The following HSPA4L variants were observed in gnomAD, a reference collection of about 807,000 sequenced individuals.
The protein encoded by HSPA4L is heat shock protein family A (Hsp70) member 4 like, also known as heat shock 70 kDa protein 4L.
HSPA4L carries 48 observed loss-of-function variants against 100.3 expected under a neutral mutation model. The observed-to-expected ratio is 0.48, with a 90% confidence interval of 0.38 to 0.61. The LOEUF (loss-of-function observed/expected upper bound fraction) is 0.61, where lower values mean the gene tolerates loss of function less well. Among genes scored for constraint, HSPA4L ranks in the 20% least tolerant of loss-of-function variants. The pLI, the probability that HSPA4L is intolerant of heterozygous loss-of-function variation, is 0.00. For synonymous variants in HSPA4L, 319 were observed against 328.2 expected, an observed-to-expected ratio of 0.97 and a Z score of 0.30; for missense variants, 886 against 988.6, an observed-to-expected ratio of 0.90 and a Z score of 1.39.
Position 127,782,654 on chromosome 4 carries a change from C to A in HSPA4L, c.104C>A (p.Thr35Asn). The stretch of plus-strand genomic sequence containing the variant: ...GCCAATGAGTACAGCGACAGGTGTA[C>A]CCCGTAAGTGCCTCTGCTGAGCATC... ...TIANEYSDRC[T>N]PACISLGSRT... The change falls in exon 1 of 19, where the codon ACC becomes AAC. Residue 35 changes from threonine to asparagine, a missense_variant. Transcript: ENST00000296464. The A allele has an allele frequency of 6.2e-7, 1 of 1,607,774 alleles. No homozygotes were observed. The highest frequency in any genetic ancestry group is 8.5e-7 in the Non-Finnish European group (1 of 1,175,708).
At chr4:127,796,028 G>A in intron 3 of HSPA4L, 120 bp downstream of exon 3, 2 of 793,838 alleles carry the variant, frequency 2.5e-6, no homozygotes, top group Non-Finnish European at 3.8e-6. Flanking sequence ...ACACCGAAGA[G>A]ATAGTAGTTT....
chr4:127,793,938 T>C (rs1732945952), intron 1 of HSPA4L, 139 bp from the exon 2 acceptor site: 2 of 535,898 alleles, frequency 3.7e-6, no homozygotes, highest in Non-Finnish European at 6.5e-6. Context: ...AAATAAATTT[T>C]TGATTTGCAT....
intron 11 of HSPA4L, among the ~76,000 whole-genome samples, chr4:127,811,015 T>C (rs1040936104): frequency 6.6e-6 from 1 of 152,176 alleles, no homozygotes; most frequent in African/African-American, 2.4e-5. Context: ...TTGCTTTATT[T>C]ATGAATTACC....
intron 6 of HSPA4L, among the ~76,000 whole-genome samples, 161 bp downstream of exon 6, chr4:127,802,079 T>C (rs1219551141): frequency 6.6e-6 from 1 of 152,194 alleles, no homozygotes; most frequent in Non-Finnish European, 1.5e-5. Flanking sequence ...AGAACAACAG[T>C]AGTAACTACC....
intron 3 of HSPA4L, among the ~76,000 whole-genome samples, chr4:127,796,657 G>T (rs1733029964): frequency 6.6e-6 from 1 of 152,080 alleles, no homozygotes; most frequent in Admixed American, 6.5e-5. Context: ...TGGAGTACTG[G>T]TATGTGCTAC....
chr4:127,820,343 C>T (rs954396175), intron 13 of HSPA4L, 85 bp from the exon 14 acceptor site: 8 of 1,117,428 alleles, frequency 7.2e-6, no homozygotes, highest in African/African-American at 1.6e-5. Flanking sequence ...AGATCATAAT[C>T]GTTTTGATTT....
At chr4:127,791,514 G>A (rs1732874268) in intron 1 of HSPA4L, among the ~76,000 whole-genome samples, 1 of 152,196 alleles carries the variant, frequency 6.6e-6, no homozygotes, top group Non-Finnish European at 1.5e-5. Context: ...CATTTCATGT[G>A]CATAATAACC....
intron 6 of HSPA4L, 70 bp downstream of exon 6, chr4:127,801,988 G>A: frequency 1.6e-6 from 2 of 1,282,640 alleles, no homozygotes; most frequent in Non-Finnish European, 2.1e-6. Context: ...TAATAGCTGG[G>A]TTCGAATCCT....
At chr4:127,786,619 C>T (rs1732725844) in intron 1 of HSPA4L, among the ~76,000 whole-genome samples, 1 of 152,132 alleles carries the variant, frequency 6.6e-6, no homozygotes, top group Non-Finnish European at 1.5e-5. Flanking sequence ...GTGCATGCCA[C>T]CATGCCACAC....
intron 10 of HSPA4L, among the ~76,000 whole-genome samples, chr4:127,807,194 T>G (rs1416474220): frequency 6.6e-6 from 1 of 151,942 alleles, no homozygotes; most frequent in Non-Finnish European, 1.5e-5. Context: ...CTTATAGTAA[T>G]AGGATGATAT....
At chr4:127,790,093 T>G (rs1560650926) in intron 1 of HSPA4L, among the ~76,000 whole-genome samples, 1 of 152,368 alleles carries the variant, frequency 6.6e-6, no homozygotes, top group Non-Finnish European at 1.5e-5. Context: ...CTCATACTGG[T>G]AACTGTTTAG....
At chr4:127,821,751 C>T (rs1034756945) in intron 14 of HSPA4L, among the ~76,000 whole-genome samples, 3 of 152,098 alleles carry the variant, frequency 2.0e-5, no homozygotes, top group Non-Finnish European at 2.9e-5. Context: ...ATGTGTCAAA[C>T]ATGGAACTAA....
intron 4 of HSPA4L, among the ~76,000 whole-genome samples, chr4:127,800,797 T>C (rs1733153787): frequency 6.6e-6 from 1 of 152,196 alleles, no homozygotes; most frequent in Admixed American, 6.5e-5. Flanking sequence ...AATATATTTC[T>C]CTAATCTCAT....
At chr4:127,796,115 G>C (rs943058139) in intron 3 of HSPA4L, among the ~76,000 whole-genome samples, 3 of 151,958 alleles carry the variant, frequency 2.0e-5, no homozygotes, top group Non-Finnish European at 4.4e-5. Flanking sequence ...TATTGTCAAG[G>C]AAAAAAGTGG....
chr4:127,827,762 T>A (rs933682930), intron 17 of HSPA4L, among the ~76,000 whole-genome samples: 1 of 152,108 alleles, frequency 6.6e-6, no homozygotes, highest in African/African-American at 2.4e-5. Flanking sequence ...TGACTTTTTT[T>A]AAATTATGGG....
At chr4:127,820,314 A>G in intron 13 of HSPA4L, 114 bp from the exon 14 acceptor site, 1 of 808,110 alleles carries the variant, frequency 1.2e-6, no homozygotes, top group Non-Finnish European at 1.9e-6. Context: ...TTAAGGTAGT[A>G]CTTTAAAATA....
intron 8 of HSPA4L, among the ~76,000 whole-genome samples, chr4:127,804,411 G>T (rs1733288899): frequency 6.6e-6 from 1 of 152,020 alleles, no homozygotes; most frequent in Non-Finnish European, 1.5e-5. Context: ...TTCAAGACCA[G>T]CCTGGACAAC....
intron 1 of HSPA4L, among the ~76,000 whole-genome samples, chr4:127,784,984 G>A (rs1486056597): frequency 6.6e-6 from 1 of 152,166 alleles, no homozygotes; most frequent in Non-Finnish European, 1.5e-5. Context: ...GGAAAGAAAT[G>A]TTCAATTTAG....
intron 18 of HSPA4L, among the ~76,000 whole-genome samples, chr4:127,831,125 C>T (rs1343640599): frequency 1.3e-5 from 2 of 152,242 alleles, no homozygotes; most frequent in South Asian, 4.1e-4. Context: ...ATAAGTCTGT[C>T]TTTGACCTAG....
Sources: gnomAD v4.1 joint callset for allele counts (sites outside exome capture counted in the v4.1 genomes callset) on GRCh38, gnomAD v4.1.1 for gene constraint, MANE v1.5 for transcripts, NCBI Gene and HGNC (gene_info 2026-07-23, HGNC 2026-07-21) for gene names.